MARCHF1: variants seen among roughly 807,000 people sequenced by gnomAD.
The protein encoded by MARCHF1 is E3 ubiquitin-protein ligase MARCHF1.
In MARCHF1, 40 loss-of-function variants were observed where a neutral mutation model predicts 54.2. That is an observed-to-expected ratio of 0.74 (90% CI 0.57 to 0.96). MARCHF1 has a LOEUF of 0.96. Ranked by LOEUF, MARCHF1 falls within the 40% of genes least tolerant of loss-of-function variation. The pLI is 0.00. For missense variants in MARCHF1, 586 were observed against 656.5 expected (o/e 0.89, Z 1.17); for synonymous variants, 236 against 236.3 (o/e 1.00, Z 0.01).
At chr4:164,039,296 T>C (rs1327203605) in intron 2 of MARCHF1, among the ~76,000 whole-genome samples, 1 of 152,192 alleles carries the variant, frequency 6.6e-6, no homozygotes, top group Non-Finnish European at 1.5e-5. Context: ...ACACTCCTTA[T>C]GGAACTGCTT....
chr4:163,785,291 C>T (rs1221644473), intron 4 of MARCHF1, among the ~76,000 whole-genome samples: 1 of 152,040 alleles, frequency 6.6e-6, no homozygotes, highest in East Asian at 1.9e-4. Context: ...ATTAATTTTG[C>T]AATTTGAAAT....
chr4:164,253,462 T>C (rs1326023210), intron 1 of MARCHF1, among the ~76,000 whole-genome samples: 1 of 152,170 alleles, frequency 6.6e-6, no homozygotes, highest in Non-Finnish European at 1.5e-5. Flanking sequence ...AAGTAATGAT[T>C]TTAAAATGCT....
At chr4:164,115,724 A>G (rs997305916) in intron 1 of MARCHF1, among the ~76,000 whole-genome samples, 2 of 152,106 alleles carry the variant, frequency 1.3e-5, no homozygotes, top group African/African-American at 4.8e-5. Flanking sequence ...TATGAATCTG[A>G]TAATTCAAAT....
chr4:163,663,507 T>A (rs1743422404), intron 5 of MARCHF1, among the ~76,000 whole-genome samples: 1 of 152,252 alleles, frequency 6.6e-6, no homozygotes, highest in Admixed American at 6.5e-5. Flanking sequence ...TGTTTTTATA[T>A]TCTGAATGAT....
intron 2 of MARCHF1, among the ~76,000 whole-genome samples, chr4:164,032,918 T>C (rs1482250830): frequency 6.6e-6 from 1 of 152,040 alleles, no homozygotes; most frequent in East Asian, 1.9e-4. Flanking sequence ...TACAAGTCTA[T>C]AGTAACGAAA....
In MARCHF1 at chr4:163,916,872, GT is replaced by G. The variant is rs141752060; in HGVS notation, c.-38-62704del. On this transcript the variant is annotated intron_variant, in intron 3 of 9. Coordinates refer to ENST00000514618, the MANE Select transcript of MARCHF1 (RefSeq NM_001394959.1). ...ACATCATTATTACCCTAAGCCTGTG[GT>G]TTATATCAAGGTTCACTCTTGGTGT... is the stretch of plus-strand genomic sequence containing the variant. 1.1e-4 allele frequency among the ~76,000 whole-genome samples: 17 copies of G among 152,134 alleles called. No homozygotes were observed. In the East Asian group the frequency reaches 3.1e-3, roughly 28 times the overall value.
chr4:163,864,184 TA>T (rs1040053917), intron 3 of MARCHF1, among the ~76,000 whole-genome samples: 13 of 151,724 alleles, frequency 8.6e-5, no homozygotes, highest in African/African-American at 2.7e-4. Context: ...GACAGAAAAA[TA>T]ACTTTATAGT....
chr4:164,286,213 G>A (rs187046964), intron 1 of MARCHF1, among the ~76,000 whole-genome samples: 65 of 152,204 alleles, frequency 4.3e-4, no homozygotes, highest in Admixed American at 1.8e-3. Flanking sequence ...TATGAAACTT[G>A]TGTTTAGACT....
At chr4:164,062,593 C>T (rs569489269) in intron 2 of MARCHF1, among the ~76,000 whole-genome samples, 3 of 152,148 alleles carry the variant, frequency 2.0e-5, no homozygotes, top group Non-Finnish European at 4.4e-5. Flanking sequence ...GGCGCGATCT[C>T]GGCTCACTGC....
At chr4:163,874,496 A>G (rs2111227017) in intron 3 of MARCHF1, among the ~76,000 whole-genome samples, 1 of 145,454 alleles carries the variant, frequency 6.9e-6, no homozygotes, top group Admixed American at 6.8e-5. Flanking sequence ...GGTTCCTCCC[A>G]CACTTGATTT....
chr4:164,141,897 C>A (rs1478060960), intron 1 of MARCHF1, among the ~76,000 whole-genome samples: 1 of 152,048 alleles, frequency 6.6e-6, no homozygotes, highest in East Asian at 1.9e-4. Flanking sequence ...TTCTGCATTT[C>A]CATCTGAGGT....
At chr4:163,532,168 T>C (rs934495189) in intron 9 of MARCHF1, among the ~76,000 whole-genome samples, 10 of 151,954 alleles carry the variant, frequency 6.6e-5, no homozygotes, top group African/African-American at 2.4e-4. Context: ...ATAAAGTTTT[T>C]GAAAACTGAC....
chr4:163,566,055 C>T (rs539006383), intron 8 of MARCHF1, among the ~76,000 whole-genome samples: 1 of 152,132 alleles, frequency 6.6e-6, no homozygotes, highest in Admixed American at 6.6e-5. Flanking sequence ...CAGCAAGCAC[C>T]CCTTTGTGGC....
In MARCHF1 at chr4:164,374,501, C is replaced by G. The variant is rs185391123; in HGVS notation, c.-323+9369G>C. Among the ~76,000 whole-genome samples, 38 of 152,204 alleles carry G rather than the reference C, an allele frequency of 2.5e-4. 4 individuals are homozygous for G. The East Asian group carries it at 3.7e-3, about 15-fold the overall frequency. ...TTCAAAAAATTAAAGCCTTCTGCCT[C>G]ATTTTTAACAATTTTTGAAAATTGA... On this transcript the variant is annotated intron_variant, in intron 1 of 9. Transcript: ENST00000514618.
intron 2 of MARCHF1, among the ~76,000 whole-genome samples, chr4:164,014,787 G>T (rs1753501362): frequency 6.6e-6 from 1 of 152,052 alleles, no homozygotes; most frequent in Admixed American, 6.6e-5. Context: ...ACTGAAAATG[G>T]TCATTATATA....
chr4:164,259,485 G>A (rs11943108), intron 1 of MARCHF1, among the ~76,000 whole-genome samples: 73,783 of 119,668 alleles, frequency 0.62, 20,451 homozygotes, highest in Non-Finnish European at 0.69. Context: ...CAGAGGTTGC[G>A]GTGAGCTGAG....
rs574261311 is a variant in MARCHF1, at chr4:163,671,453, G to A, written c.162+29360C>T. Among the ~76,000 whole-genome samples the A allele has an allele frequency of 5.3e-5, 8 of 152,186 alleles. No individual in the cohort carries two copies. The East Asian group carries it at 7.8e-4, about 15-fold the overall frequency. The stretch of plus-strand genomic sequence containing the variant: ...TAAAGGCAGAGTATAATAGTTATCC[G>A]ACTTACTTTCAGAAAGAGCACAATG... On this transcript the variant is annotated intron_variant, in intron 5 of 9. Coordinates refer to ENST00000514618, the MANE Select transcript of MARCHF1 (RefSeq NM_001394959.1).
At chr4:164,253,705 T>C (rs1046282456) in intron 1 of MARCHF1, among the ~76,000 whole-genome samples, 2 of 152,114 alleles carry the variant, frequency 1.3e-5, no homozygotes, top group Non-Finnish European at 2.9e-5. Flanking sequence ...AAAACTTACA[T>C]TCACATGAAA....
At chr4:163,597,908 G>A (rs191204550) in intron 7 of MARCHF1, among the ~76,000 whole-genome samples, 104 of 152,140 alleles carry the variant, frequency 6.8e-4, no homozygotes, top group Non-Finnish European at 7.8e-4. Flanking sequence ...AAACTTGCAG[G>A]TGCCAACCCT....
Sources: allele counts gnomAD v4.1 joint callset (sites outside exome capture counted in the v4.1 genomes callset), GRCh38; gene constraint gnomAD v4.1.1; transcripts MANE v1.5; gene names NCBI Gene and HGNC (gene_info 2026-07-23, HGNC 2026-07-21).